TDRD3: variants seen among roughly 807,000 people sequenced by gnomAD.
TDRD3 encodes tudor domain-containing protein 3.
TDRD3 carries 45 observed loss-of-function variants against 86.7 expected under a neutral mutation model. That is an observed-to-expected ratio of 0.52 (90% CI 0.41 to 0.67). TDRD3 has a LOEUF of 0.67. Ranked by LOEUF, TDRD3 falls within the 30% of genes least tolerant of loss-of-function variation. The pLI is 0.00. For synonymous variants in TDRD3, 298 were observed against 301.7 expected (o/e 0.99, Z 0.13); for missense variants, 814 against 889.0 (o/e 0.92, Z 1.07).
chr13:60,440,956 A>C (rs9528137), intron 2 of TDRD3, among the ~76,000 whole-genome samples: 29,604 of 152,160 alleles, frequency 0.19, 3,576 homozygotes, highest in South Asian at 0.29. Context: ...TATTTATAGA[A>C]TTAAACTTGG....
chr13:60,462,704 G>A (rs2138061774), intron 4 of TDRD3, among the ~76,000 whole-genome samples: 1 of 152,122 alleles, frequency 6.6e-6, no homozygotes, highest in Admixed American at 6.6e-5. Context: ...AATGAAGTGA[G>A]ATTAAAGGAA....
At chr13:60,486,569 G>A (rs1229435931) in intron 7 of TDRD3, among the ~76,000 whole-genome samples, 3 of 152,016 alleles carry the variant, frequency 2.0e-5, no homozygotes, top group Admixed American at 6.6e-5. Flanking sequence ...GATGAAATCA[G>A]GGTAATTATA....
At chr13:60,571,429 C>G (rs535683495) in intron 13 of TDRD3, among the ~76,000 whole-genome samples, 1 of 152,130 alleles carries the variant, frequency 6.6e-6, no homozygotes, top group Non-Finnish European at 1.5e-5. Flanking sequence ...CATTTGACTT[C>G]CAGCAAATAT....
intron 10 of TDRD3, among the ~76,000 whole-genome samples, chr13:60,522,801 C>CT (rs1473777514): frequency 2.0e-5 from 3 of 152,098 alleles, no homozygotes; most frequent in African/African-American, 7.2e-5. Context: ...GTGAAAGAGC[C>CT]TTTGTGATTT....
At chr13:60,485,667 A>C in intron 6 of TDRD3, 132 bp from the exon 7 acceptor site, 1 of 681,306 alleles carries the variant, frequency 1.5e-6, no homozygotes, top group Non-Finnish European at 2.1e-6. Context: ...TATATGGGAT[A>C]GAATTTTATT....
rs961336876 is a variant in TDRD3, at chr13:60,416,278, T to C, written c.41+18873T>C. On this transcript the variant is annotated intron_variant, in intron 1 of 13. Transcript: ENST00000377881. ...TAATATAGTTCTTAGTCTAAATTTC[T>C]AATGAGATTTTTTTTTTAACTAAGG... Among the ~76,000 whole-genome samples the C allele has an allele frequency of 2.7e-5, 4 of 148,764 alleles. No homozygotes were observed. In the Admixed American group the frequency reaches 2.8e-4, roughly 10 times the overall value.
chr13:60,439,752 A>G lies in TDRD3; in HGVS notation c.106A>G (p.Ile36Val), dbSNP rs1271012620. 18 of 1,541,996 alleles carry G rather than the reference A, an allele frequency of 1.2e-5. No homozygotes were observed. The highest frequency in any genetic ancestry group is 1.6e-5 in the Non-Finnish European group (18 of 1,143,642). The part of the protein sequence containing the change: ...SSPDKVNVND[I>V]ILIALNTDLR... ...TCCAGACAAAGTCAATGTAAATGAC[A>G]TCATCCTGATTGCTCTCAATGTAGG... The change falls in exon 2 of 14, where the codon ATC becomes GTC. Residue 36 changes from isoleucine to valine, a missense_variant. Transcript: ENST00000377881.
intron 4 of TDRD3, among the ~76,000 whole-genome samples, chr13:60,463,362 C>CAAAAAAA (rs57195209): frequency 3.7e-5 from 3 of 81,478 alleles, no homozygotes; most frequent in Non-Finnish European, 6.7e-5. Context: ...AATTCTGGCT[C>CAAAAAAA]AAAAAAAAAA....
chr13:60,402,902 C>G (rs1023750069), intron 1 of TDRD3, among the ~76,000 whole-genome samples: 1 of 152,026 alleles, frequency 6.6e-6, no homozygotes, highest in Admixed American at 6.6e-5. Flanking sequence ...TGGAGACATC[C>G]TTCTATTTTG....
intron 8 of TDRD3, among the ~76,000 whole-genome samples, chr13:60,502,551 A>T (rs1167264663): frequency 6.6e-6 from 1 of 152,134 alleles, no homozygotes; most frequent in African/African-American, 2.4e-5. Context: ...ATTGTCTTTG[A>T]TGGAACTCTG....
At chr13:60,431,328 A>G (rs1423532887) in intron 1 of TDRD3, among the ~76,000 whole-genome samples, 2 of 152,026 alleles carry the variant, frequency 1.3e-5, no homozygotes, top group Non-Finnish European at 2.9e-5. Context: ...TACAGCTTTC[A>G]CAATTAGCTA....
intron 1 of TDRD3, among the ~76,000 whole-genome samples, chr13:60,431,348 CTT>C (rs1954948930): frequency 6.6e-6 from 1 of 151,942 alleles, no homozygotes; most frequent in East Asian, 1.9e-4. Flanking sequence ...AGCTGATAGT[CTT>C]CAGCTTTTTA....
At chr13:60,552,882 G>A (rs1958098868) in intron 12 of TDRD3, among the ~76,000 whole-genome samples, 1 of 152,200 alleles carries the variant, frequency 6.6e-6, no homozygotes, top group Admixed American at 6.5e-5. Flanking sequence ...GCTGGAGCTG[G>A]GGTGGCTGGG....
At chr13:60,467,115 T>C in intron 4 of TDRD3, 123 bp from the exon 5 acceptor site, 1 of 1,140,452 alleles carries the variant, frequency 8.8e-7, no homozygotes, top group Non-Finnish European at 1.2e-6. Context: ...ATTAGCTGTT[T>C]TTCCTAATGC....
At chr13:60,477,238 A>G (rs1427655866) in intron 5 of TDRD3, among the ~76,000 whole-genome samples, 2 of 142,424 alleles carry the variant, frequency 1.4e-5, no homozygotes, top group Non-Finnish European at 3.1e-5. Context: ...TTATTAAGAC[A>G]GAATCTTGCT....
intron 10 of TDRD3, among the ~76,000 whole-genome samples, chr13:60,524,664 A>G (rs1301434291): frequency 6.6e-6 from 1 of 152,152 alleles, no homozygotes; most frequent in Non-Finnish European, 1.5e-5. Flanking sequence ...AACTAACCTA[A>G]GATAAAAGGT....
At chr13:60,430,031 A>T (rs1954914841) in intron 1 of TDRD3, among the ~76,000 whole-genome samples, 1 of 152,118 alleles carries the variant, frequency 6.6e-6, no homozygotes, top group Non-Finnish European at 1.5e-5. Flanking sequence ...GTAGATCAGT[A>T]TTTTCAGTAC....
At chr13:60,402,621 T>C (rs1322752840) in intron 1 of TDRD3, among the ~76,000 whole-genome samples, 2 of 151,640 alleles carry the variant, frequency 1.3e-5, no homozygotes, top group Non-Finnish European at 2.9e-5. Flanking sequence ...CTTGGTATAC[T>C]CTTTTGGAAA....
intron 12 of TDRD3, among the ~76,000 whole-genome samples, chr13:60,551,830 C>T (rs1275858886): frequency 1.3e-5 from 2 of 152,090 alleles, no homozygotes; most frequent in Non-Finnish European, 2.9e-5. Context: ...CATGAGGCAG[C>T]AGGAAAGACA....
Sources: gnomAD v4.1 joint callset for allele counts (sites outside exome capture counted in the v4.1 genomes callset) on GRCh38, gnomAD v4.1.1 for gene constraint, MANE v1.5 for transcripts, NCBI Gene and HGNC (gene_info 2026-07-23, HGNC 2026-07-21) for gene names.